The following ARB2A variants were observed in gnomAD, a reference collection of about 807,000 sequenced individuals.
ARB2A encodes the protein cotranscriptional regulator ARB2A.
the ARB2A span, among the ~76,000 whole-genome samples, chr5:93,707,294 G>C: frequency 6.6e-6 from 1 of 152,136 alleles, no homozygotes; most frequent in African/African-American, 2.4e-5. Flanking sequence ...AAAGCAGCCA[G>C]GTTTTCTCGC....
chr5:93,638,215 G>A, the ARB2A span, among the ~76,000 whole-genome samples: 1 of 152,280 alleles, frequency 6.6e-6, no homozygotes. Flanking sequence ...TTTTCAGTGA[G>A]CTCTATGAGT....
the ARB2A span, among the ~76,000 whole-genome samples, chr5:93,770,784 C>T: frequency 6.6e-6 from 1 of 152,136 alleles, no homozygotes; most frequent in African/African-American, 2.4e-5. Context: ...CTACAAAACA[C>T]TGCTCAATGA....
chr5:93,730,973 G>C, the ARB2A span, among the ~76,000 whole-genome samples: 1 of 152,094 alleles, frequency 6.6e-6, no homozygotes, highest in Non-Finnish European at 1.5e-5. Flanking sequence ...TAGAATGGTG[G>C]TATTATTTGA....
At chr5:93,797,474 T>G in the ARB2A span, among the ~76,000 whole-genome samples, 1 of 152,104 alleles carries the variant, frequency 6.6e-6, no homozygotes, top group Non-Finnish European at 1.5e-5. Flanking sequence ...CAGTATTTAT[T>G]ATGGTAGGAG....
the ARB2A span, among the ~76,000 whole-genome samples, chr5:94,088,459 T>C: frequency 2.6e-5 from 4 of 152,220 alleles, no homozygotes; most frequent in Admixed American, 6.5e-5. Context: ...GGCGGGAGGA[T>C]TGCTTGAGGC....
the ARB2A span, among the ~76,000 whole-genome samples, chr5:93,830,315 A>ATGTGTGTGTG: frequency 0.014 from 601 of 42,326 alleles, 8 homozygotes; most frequent in Non-Finnish European, 0.018. Flanking sequence ...GTGTGTGTAT[A>ATGTGTGTGTG]TATATATATA....
the ARB2A span, among the ~76,000 whole-genome samples, chr5:93,623,263 A>T: frequency 1.3e-5 from 2 of 152,096 alleles, no homozygotes; most frequent in Non-Finnish European, 2.9e-5. Context: ...GCCAAAAAAA[A>T]AAAAAAAGGT....
chr5:93,634,458 A>G, the ARB2A span, among the ~76,000 whole-genome samples: 3 of 152,090 alleles, frequency 2.0e-5, no homozygotes, highest in Non-Finnish European at 4.4e-5. Flanking sequence ...AGACAAGCTG[A>G]AGAAAGCAGA....
the ARB2A span, among the ~76,000 whole-genome samples, chr5:93,775,764 G>A: frequency 6.6e-6 from 1 of 152,058 alleles, no homozygotes; most frequent in Non-Finnish European, 1.5e-5. Context: ...TTTTTCTAAG[G>A]TCTCTAGGAC....
the ARB2A span, chr5:93,824,260 C>A: frequency 6.4e-7 from 1 of 1,573,960 alleles, no homozygotes; most frequent in Non-Finnish European, 8.6e-7. Flanking sequence ...TTCAGGAGAA[C>A]CATTTTCCTA....
At chr5:93,841,031 C>CTGGGAA in the ARB2A span, among the ~76,000 whole-genome samples, 46 of 152,256 alleles carry the variant, frequency 3.0e-4, no homozygotes, top group Non-Finnish European at 5.6e-4. Context: ...CTGGGCTCCA[C>CTGGGAA]TGTACTCCTG....
chr5:93,683,323 A>C, the ARB2A span: 24 of 1,602,794 alleles, frequency 1.5e-5, no homozygotes, highest in Non-Finnish European at 2.0e-5. Flanking sequence ...AGAGTTTCAC[A>C]TCCTCCTCCT....
the ARB2A span, among the ~76,000 whole-genome samples, chr5:93,683,965 A>G: frequency 6.8e-6 from 1 of 147,622 alleles, no homozygotes; most frequent in African/African-American, 2.5e-5. Flanking sequence ...ATTCTTGTCA[A>G]TGTTATTAAT....
the ARB2A span, among the ~76,000 whole-genome samples, chr5:93,864,908 A>G: frequency 6.6e-6 from 1 of 152,274 alleles, no homozygotes; most frequent in African/African-American, 2.4e-5. Context: ...AGCTCCTGGT[A>G]AAGAGGGATT....
the ARB2A span, among the ~76,000 whole-genome samples, chr5:94,057,576 A>G: frequency 6.6e-6 from 1 of 152,212 alleles, no homozygotes; most frequent in Non-Finnish European, 1.5e-5. Flanking sequence ...TAAAGAAAGT[A>G]CCATTTGGCA....
chr5:93,628,677 G>A, the ARB2A span, among the ~76,000 whole-genome samples: 1 of 152,154 alleles, frequency 6.6e-6, no homozygotes, highest in Non-Finnish European at 1.5e-5. Context: ...TTCTGGAGAT[G>A]GCTTCTTTCC....
chr5:93,865,327 C>T, the ARB2A span: 277 of 849,962 alleles, frequency 3.3e-4, 1 homozygote, highest in African/African-American at 4.0e-3. Flanking sequence ...GTGATCCGCC[C>T]GCCTCGGCCT....
the ARB2A span, among the ~76,000 whole-genome samples, chr5:94,032,556 T>C: frequency 1.3e-5 from 2 of 152,082 alleles, no homozygotes; most frequent in African/African-American, 4.8e-5. Flanking sequence ...ATGAGATTTG[T>C]TGGGGACATA....
the ARB2A span, among the ~76,000 whole-genome samples, chr5:93,787,266 T>A: frequency 1.3e-5 from 2 of 152,174 alleles, no homozygotes; most frequent in African/African-American, 4.8e-5. Flanking sequence ...ACACTTAAGG[T>A]CAACATCCAT....
Sources: allele counts gnomAD v4.1 joint callset (sites outside exome capture counted in the v4.1 genomes callset), GRCh38; gene constraint gnomAD v4.1.1; transcripts MANE v1.5; gene names NCBI Gene and HGNC (gene_info 2026-07-23, HGNC 2026-07-21).